SIPA1L1: variants seen among roughly 807,000 people sequenced by gnomAD.
The protein encoded by SIPA1L1 is signal-induced proliferation-associated 1-like protein 1.
Under a neutral mutation model 162.7 loss-of-function variants are expected in SIPA1L1, and 26 were observed. That is an observed-to-expected ratio of 0.16 (90% CI 0.12 to 0.22). The LOEUF (loss-of-function observed/expected upper bound fraction) is 0.22. Among genes scored for constraint, SIPA1L1 ranks in the 10% least tolerant of loss-of-function variants. The probability of loss-of-function intolerance (pLI) is 1.00; values close to 1 mark genes in which losing one functional copy is unlikely to be tolerated. For missense variants in SIPA1L1, 1,874 were observed against 2,241.0 expected, an observed-to-expected ratio of 0.84 and a Z score of 3.31; for synonymous variants, 829 against 837.4, an observed-to-expected ratio of 0.99 and a Z score of 0.17.
chr14:71,502,255 A>ATAT (rs1555440997), intron 2 of SIPA1L1, among the ~76,000 whole-genome samples: 1,657 of 97,460 alleles, frequency 0.017, 28 homozygotes, highest in East Asian at 0.073. Flanking sequence ...AAAAAAAAAA[A>ATAT]ATATATATAT....
intron 2 of SIPA1L1, among the ~76,000 whole-genome samples, chr14:71,358,500 A>G (rs960126139): frequency 1.3e-5 from 2 of 152,224 alleles, no homozygotes; most frequent in African/African-American, 4.8e-5. Context: ...CATCTCCTTC[A>G]TGTCTTTGCT....
intron 2 of SIPA1L1, among the ~76,000 whole-genome samples, chr14:71,439,952 A>G (rs1263649760): frequency 1.3e-5 from 2 of 152,198 alleles, no homozygotes; most frequent in African/African-American, 4.8e-5. Flanking sequence ...TTCCTGTTAT[A>G]CGGGAAGAGG....
At position 71,659,197 on chromosome 14, in the gene SIPA1L1, C is replaced by T. The variant is rs192534177; in HGVS notation, c.2097+761C>T. On this transcript the variant is annotated intron_variant, in intron 9 of 23. Transcript: ENST00000381232. ...CACACACTTCTTTTAAAAGCTATTA[C>T]AAACTTGAGCAGTCCAATTTTACTT... Among the ~76,000 whole-genome samples, 5 of 152,288 alleles carry T rather than the reference C, an allele frequency of 3.3e-5. No homozygotes were observed. The East Asian group carries it at 9.6e-4, about 29-fold the overall frequency.
chr14:71,588,555 G>T lies in SIPA1L1; in HGVS notation c.683G>T (p.Gly228Val), dbSNP rs2034879446. 2 of 1,614,004 alleles carry T rather than the reference G, an allele frequency of 1.2e-6. No individual in the cohort carries two copies. The highest frequency in any genetic ancestry group is 1.7e-6 in the Non-Finnish European group (2 of 1,179,952). The stretch of plus-strand genomic sequence containing the variant: ...GAAAGCTTTTTTGATTTGTTAAAGG[G>T]CTACAAAGATGACAAATCTGATCGA... ...SGESFFDLLK[G>V]YKDDKSDRGP... Residue 228 changes from glycine (G) to valine (V), a missense_variant, in exon 5 of 24, where the codon GGC becomes GTC. Gly to Val is a moderately radical substitution (Grantham distance 109, BLOSUM62 -3). Transcript: ENST00000381232. The surrounding 1 kb of genome is among the most constrained non-coding windows in gnomAD (Gnocchi z 4.3).
chr14:71,543,961 A>ATATATACATATACGCACATGTG (rs1567179338), intron 4 of SIPA1L1, among the ~76,000 whole-genome samples: 1 of 149,020 alleles, frequency 6.7e-6, no homozygotes, highest in Admixed American at 6.7e-5. Context: ...ACGCACATGT[A>ATATATACATATACGCACATGTG]TGTATATATA....
intron 17 of SIPA1L1, among the ~76,000 whole-genome samples, chr14:71,721,016 G>C (rs2083675764): frequency 6.6e-6 from 1 of 152,148 alleles, no homozygotes; most frequent in Non-Finnish European, 1.5e-5. Flanking sequence ...ACATTCATCA[G>C]TGTCTGAGCA....
intron 2 of SIPA1L1, among the ~76,000 whole-genome samples, chr14:71,388,588 G>C (rs1039884429): frequency 2.6e-5 from 4 of 152,186 alleles, no homozygotes; most frequent in Non-Finnish European, 5.9e-5. Context: ...CGTCACACGT[G>C]CTCTTCTTTT....
chr14:71,579,865 C>T (rs915189658), intron 4 of SIPA1L1, among the ~76,000 whole-genome samples: 2 of 152,168 alleles, frequency 1.3e-5, no homozygotes, highest in African/African-American at 4.8e-5. Flanking sequence ...CTGCACTATC[C>T]TTAATAAAGC....
intron 4 of SIPA1L1, among the ~76,000 whole-genome samples, chr14:71,542,982 C>G (rs944737408): frequency 1.3e-4 from 20 of 151,956 alleles, no homozygotes; most frequent in African/African-American, 4.3e-4. Flanking sequence ...TCTGTCTTTA[C>G]CAGTCCCTCT....
chr14:71,629,946 T>C (rs1050518440), intron 7 of SIPA1L1, among the ~76,000 whole-genome samples: 2 of 152,248 alleles, frequency 1.3e-5, no homozygotes, highest in Admixed American at 6.5e-5. Context: ...CTTCGCCTAT[T>C]CATTGCCTTG....
At chr14:71,730,351 G>T (rs201914639) in intron 20 of SIPA1L1, 50 bp downstream of exon 20, 11 of 1,601,480 alleles carry the variant, frequency 6.9e-6, no homozygotes, top group Middle Eastern at 1.7e-4. Flanking sequence ...ATGATGGTCA[G>T]TGTCCCCAGA....
At chr14:71,512,446 G>T (rs371208420) in intron 2 of SIPA1L1, among the ~76,000 whole-genome samples, 1 of 151,872 alleles carries the variant, frequency 6.6e-6, no homozygotes, top group East Asian at 1.9e-4. Context: ...AATTAGCTGG[G>T]CATGGTGCCA....
At chr14:71,383,606 G>C (rs895683007) in intron 2 of SIPA1L1, among the ~76,000 whole-genome samples, 1 of 152,176 alleles carries the variant, frequency 6.6e-6, no homozygotes, top group African/African-American at 2.4e-5. Context: ...GCATGGCACA[G>C]TCATTTGCTC....
At chr14:71,583,777 A>G (rs958492349) in intron 4 of SIPA1L1, among the ~76,000 whole-genome samples, 4 of 152,198 alleles carry the variant, frequency 2.6e-5, no homozygotes, top group African/African-American at 7.2e-5. Flanking sequence ...ACCTACCTCT[A>G]TTTTATCTGA....
chr14:71,364,254 T>C (rs990195806), intron 2 of SIPA1L1, among the ~76,000 whole-genome samples: 1 of 152,190 alleles, frequency 6.6e-6, no homozygotes, highest in African/African-American at 2.4e-5. Flanking sequence ...GTTAGATTTA[T>C]CAAGGTTTAA....
chr14:71,624,281 G>A (rs1408017667), intron 7 of SIPA1L1, 45 bp downstream of exon 7: 1 of 1,509,768 alleles, frequency 6.6e-7, no homozygotes, highest in Non-Finnish European at 9.0e-7. Context: ...CAGGTTTATT[G>A]CTAGGCTTCC....
chr14:71,682,143 C>T (rs1376520841), intron 12 of SIPA1L1, among the ~76,000 whole-genome samples: 1 of 152,192 alleles, frequency 6.6e-6, no homozygotes, highest in Non-Finnish European at 1.5e-5. Context: ...GTTAATCTCT[C>T]TAGGCCTCTA....
chr14:71,513,787 C>T (rs1165816797), intron 3 of SIPA1L1, among the ~76,000 whole-genome samples: 2 of 152,136 alleles, frequency 1.3e-5, no homozygotes, highest in Non-Finnish European at 2.9e-5. Context: ...CTGAGACTGG[C>T]CTGACTGATT....
Position 71,588,552 on chromosome 14 carries a change from A to AGGG in SIPA1L1, c.681_683dup (p.Gly228dup). The AGGG allele has an allele frequency of 6.2e-7, 1 of 1,614,098 alleles. No homozygotes were observed. The highest frequency in any genetic ancestry group is 8.5e-7 in the Non-Finnish European group (1 of 1,179,958). On this transcript the variant is annotated inframe_insertion, in exon 5 of 24. Coordinates refer to ENST00000381232, the MANE Select transcript of SIPA1L1 (RefSeq NM_001386936.1). The surrounding 1 kb of genome is among the most constrained non-coding windows in gnomAD (Gnocchi z 4.3). ...GGAGAAAGCTTTTTTGATTTGTTAA[A>AGGG]GGGCTACAAAGATGACAAATCTGAT...
Sources: gnomAD v4.1 joint callset for allele counts (sites outside exome capture counted in the v4.1 genomes callset) on GRCh38, gnomAD v4.1.1 for gene constraint, Gnocchi (gnomAD v3.1) non-coding constraint, MANE v1.5 for transcripts, NCBI Gene and HGNC (gene_info 2026-07-23, HGNC 2026-07-21) for gene names.